Variants in CCDC136 observed in about 807,000 individuals in gnomAD.
The protein encoded by CCDC136 is coiled-coil domain containing 136.
Under a neutral mutation model 141.2 loss-of-function variants are expected in CCDC136, and 100 were observed. The observed-to-expected ratio is 0.71, with a 90% CI of 0.60 to 0.84. The LOEUF is 0.84. Among genes scored for constraint, CCDC136 ranks in the 40% least tolerant of loss-of-function variants. The pLI is 0.00. For synonymous variants in CCDC136, 474 were observed against 531.9 expected (o/e 0.89, Z 1.50); for missense variants, 1,206 against 1,379.4 (o/e 0.87, Z 1.99).
At chr7:128,809,035 G>A (rs1805294613) in intron 10 of CCDC136, 1 of 923,550 alleles carries the variant, frequency 1.1e-6, no homozygotes, top group Non-Finnish European at 1.3e-6. Context: ...TTATTTGTAA[G>A]GAGTGTAGTT....
At chr7:128,809,741 T>C in intron 11 of CCDC136, 97 bp downstream of exon 11, 1 of 920,046 alleles carries the variant, frequency 1.1e-6, no homozygotes, top group Admixed American at 3.1e-5. Flanking sequence ...GATTGAACTT[T>C]TTCTCTTACC....
At chr7:128,802,301 T>A (rs1338213450) in intron 4 of CCDC136, among the ~76,000 whole-genome samples, 1 of 152,100 alleles carries the variant, frequency 6.6e-6, no homozygotes, top group Non-Finnish European at 1.5e-5. Context: ...AATCTGAGTA[T>A]AATGGAGGTC....
chr7:128,805,306 G>T lies in CCDC136; in HGVS notation c.783-53G>T. The T allele has an allele frequency of 1.3e-6, 2 of 1,546,266 alleles. No individual in the cohort carries two copies. Among genetic ancestry groups the T allele is most frequent in the Non-Finnish European group, 8.9e-7 (1 of 1,124,746 alleles). ...TATCAGGACAAAGCCTGCATGGCTG[G>T]TGATGCCAGGCAGAACTCCCTTCAA... On this transcript the variant is annotated intron_variant, in intron 5 of 17. Transcript: ENST00000297788. This position sits in a 1 kb window ranked among gnomAD's most constrained non-coding sequence, Gnocchi z 4.6.
rs747716963 is a variant in CCDC136 at position 128,805,718 on chromosome 7, G to C, written c.949-43G>C. The C allele has an allele frequency of 1.9e-6, 3 of 1,605,562 alleles. No individual in the cohort carries two copies. Among genetic ancestry groups the C allele is most frequent in the Non-Finnish European group, 2.6e-6 (3 of 1,175,506 alleles). On this transcript the variant is annotated intron_variant, in intron 6 of 17. Coordinates refer to ENST00000297788, the MANE Select transcript of CCDC136 (RefSeq NM_022742.5). This position sits in a 1 kb window ranked among gnomAD's most constrained non-coding sequence, Gnocchi z 4.6. ...CAAGCTTGTTCTTGGAGCATATGTG[G>C]TATCTGTAGTAAACAAGCCTCCCTG...
chr7:128,812,863 A>G lies in CCDC136; in HGVS notation c.2697A>G (p.Glu899=). 6.2e-7 allele frequency: 1 copy of G among 1,613,182 alleles called. No individual in the cohort carries two copies. Among genetic ancestry groups the G allele is most frequent in the Non-Finnish European group, 8.5e-7 (1 of 1,179,666 alleles). Reference sequence around the variant, plus strand: ...TGAAGGAAGAGCTGGATGCCTGTGAAAGGGAGTTCAAGGAGTGCATGGAAT... The same window carrying G: ...TGAAGGAAGAGCTGGATGCCTGTGAGAGGGAGTTCAAGGAGTGCATGGAAT... The part of the protein sequence containing the change: ...KDLKEELDAC[E]REFKECMECL... Residue 899 remains glutamate (E), a synonymous_variant, in exon 14 of 18, where the codon GAA becomes GAG. Coordinates refer to ENST00000297788, the MANE Select transcript of CCDC136 (RefSeq NM_022742.5).
At position 128,817,738 on chromosome 7, in the gene CCDC136, C is replaced by T. The variant is rs770655029; in HGVS notation, c.3364-20C>T. ...TCCTGGTCTCTCCTCGTGCTTCTTT[C>T]TCATTTTGGTGTGTTGCAGTCATCC... On this transcript the variant is annotated intron_variant, in intron 16 of 17. Coordinates refer to ENST00000297788, the MANE Select transcript of CCDC136 (RefSeq NM_022742.5). The surrounding 1 kb of genome is among the most constrained non-coding windows in gnomAD (Gnocchi z 4.6). 4 of 1,551,442 alleles carry T rather than the reference C, an allele frequency of 2.6e-6. No homozygotes were observed. In the South Asian group the frequency reaches 4.5e-5, roughly 17 times the overall value.
Position 128,817,362 on chromosome 7 carries a change from G to A in CCDC136, c.3364-396G>A, listed in dbSNP as rs553153846. ...AAGAAACTTAATGGAAAGCAGGCTA[G>A]AACAAAGGGACAGGTGACCTGGTAG... is the stretch of plus-strand genomic sequence containing the variant. On this transcript the variant is annotated intron_variant, in intron 16 of 17. Transcript: ENST00000297788. The surrounding 1 kb of genome is among the most constrained non-coding windows in gnomAD (Gnocchi z 4.6). 7.2e-5 allele frequency among the ~76,000 whole-genome samples: 11 copies of A among 152,266 alleles called. No homozygotes were observed. The East Asian group carries it at 2.1e-3, about 29-fold the overall frequency.
intron 4 of CCDC136, among the ~76,000 whole-genome samples, chr7:128,803,783 G>A (rs1047830727): frequency 5.3e-5 from 8 of 151,448 alleles, no homozygotes; most frequent in Non-Finnish European, 7.4e-5. Context: ...GGATGGGCCT[G>A]TCAGCAGATA....
chr7:128,821,978 C>T lies in CCDC136; in HGVS notation c.*185C>T. 7.8e-7 allele frequency: 1 copy of T among 1,284,578 alleles called. No homozygotes were observed. Among genetic ancestry groups the T allele is most frequent in the Non-Finnish European group, 1.0e-6 (1 of 986,082 alleles). 79.6% of individuals were successfully genotyped at this position (1,284,578 alleles called of 1,614,324 possible). On this transcript the variant is annotated 3_prime_UTR_variant, in exon 18 of 18. Transcript: ENST00000297788. This position sits in a 1 kb window ranked among gnomAD's most constrained non-coding sequence, Gnocchi z 5.1. Reference sequence around the variant, plus strand: ...CACCCTCAGCTTTGGGCAGGACACACTGTGCCAGAACCCTCCCCATATGTT... The same window carrying T: ...CACCCTCAGCTTTGGGCAGGACACATTGTGCCAGAACCCTCCCCATATGTT...
rs1370664111 is a variant in CCDC136, at chr7:128,796,741, TC to T, written c.346+1974del. ...ATTCAGAATATATATATATATATAT[TC>T]TTTTTTTTTTTTTTTTTGAGACGGA... On this transcript the variant is annotated intron_variant, in intron 3 of 17. Coordinates refer to ENST00000297788, the MANE Select transcript of CCDC136 (RefSeq NM_022742.5). Among the ~76,000 whole-genome samples, 836 of 86,928 alleles carry T rather than the reference TC, an allele frequency of 9.6e-3. 75 individuals are homozygous for T. Among genetic ancestry groups the T allele is most frequent in the East Asian group, 0.061 (92 of 1,508 alleles). The allele number at this position is 86,928 out of a possible 152,430, so 57.0% of individuals were successfully genotyped here.
chr7:128,800,343 T>C (rs1803819338), intron 3 of CCDC136, among the ~76,000 whole-genome samples: 1 of 152,196 alleles, frequency 6.6e-6, no homozygotes, highest in Non-Finnish European at 1.5e-5. Flanking sequence ...CAGGCTGGAG[T>C]GCAGTGGTGC....
Position 128,792,280 on chromosome 7 carries a change from G to A in CCDC136, c.-132G>A. On this transcript the variant is annotated 5_prime_UTR_variant, in exon 1 of 18. Coordinates refer to ENST00000297788, the MANE Select transcript of CCDC136 (RefSeq NM_022742.5). ...TCCTCTGCACCCCAGCCCGCAGCCA[G>A]CCCCCCACCCCCCAGCCCCTCCTTT... 6 of 1,334,766 alleles carry A rather than the reference G, an allele frequency of 4.5e-6. No individual in the cohort carries two copies. Among genetic ancestry groups the A allele is most frequent in the South Asian group, 2.5e-5 (2 of 80,900 alleles). 82.7% of individuals were successfully genotyped at this position (1,334,766 alleles called of 1,614,324 possible).
chr7:128,805,917 G>T lies in CCDC136; in HGVS notation c.1089+16G>T. 1.2e-6 allele frequency: 2 copies of T among 1,613,472 alleles called. No homozygotes were observed. Among genetic ancestry groups the T allele is most frequent in the Non-Finnish European group, 1.7e-6 (2 of 1,179,822 alleles). ...TGTCACCCAGGTAAACACTGCCCGG[G>T]GAGGCATCTGGGGTGGGGGCAGAAG... On this transcript the variant is annotated intron_variant, in intron 7 of 17. Transcript: ENST00000297788. The surrounding 1 kb of genome is among the most constrained non-coding windows in gnomAD (Gnocchi z 4.6).
Position 128,822,114 on chromosome 7 carries a change from A to G in CCDC136, c.*321A>G. The G allele has an allele frequency of 1.7e-6, 2 of 1,176,050 alleles. No homozygotes were observed. The highest frequency in any genetic ancestry group is 2.1e-6 in the Non-Finnish European group (2 of 932,908). The allele number at this position is 1,176,050 out of a possible 1,614,324, so 72.9% of individuals were successfully genotyped here. On this transcript the variant is annotated 3_prime_UTR_variant, in exon 18 of 18. Coordinates refer to ENST00000297788, the MANE Select transcript of CCDC136 (RefSeq NM_022742.5). ...AAGAACCTGAGTTCCTTGTAATTAA[A>G]TATCAACTGAATTACATGAGACTGT...
chr7:128,798,989 G>A (rs1229276624), intron 3 of CCDC136, among the ~76,000 whole-genome samples: 1 of 151,754 alleles, frequency 6.6e-6, no homozygotes, highest in Non-Finnish European at 1.5e-5. Context: ...TCTATGAAGC[G>A]TGTCCAAATT....
At chr7:128,806,883 G>A (rs1213250606) in intron 9 of CCDC136, 25 bp downstream of exon 9, 1 of 1,576,158 alleles carries the variant, frequency 6.3e-7, no homozygotes, top group South Asian at 1.2e-5. Context: ...TGGTGAGGGA[G>A]GATGTAGCCA....
chr7:128,810,886 A>G (rs1317771834), intron 12 of CCDC136, among the ~76,000 whole-genome samples: 1 of 152,204 alleles, frequency 6.6e-6, no homozygotes, highest in East Asian at 1.9e-4. Flanking sequence ...TACTGACCAC[A>G]CTATCTTCAT....
rs1272403706 is a variant in CCDC136, at chr7:128,804,668, G to A, written c.689G>A (p.Arg230Gln). ...TCTGCAGAAGAACTGCAGGAGCTGCGGGAACGCTACCATTTCCTGAATGAG... is the reference window on the plus strand; with the variant it reads ...TCTGCAGAAGAACTGCAGGAGCTGCAGGAACGCTACCATTTCCTGAATGAG... ...SGLQEELQEL[R>Q]ERYHFLNEEY... The change falls in exon 5 of 18, where the codon CGG becomes CAG. Residue 230 changes from arginine to glutamine, a missense_variant. Arg to Gln is a conservative substitution (Grantham distance 43). Coordinates refer to ENST00000297788, the MANE Select transcript of CCDC136 (RefSeq NM_022742.5). 8.2e-6 allele frequency: 13 copies of A among 1,578,282 alleles called. No individual in the cohort carries two copies. The highest frequency in any genetic ancestry group is 1.7e-4 in the Middle Eastern group (1 of 6,014).
At chr7:128,798,561 A>AT (rs1171615065) in intron 3 of CCDC136, among the ~76,000 whole-genome samples, 2 of 151,884 alleles carry the variant, frequency 1.3e-5, no homozygotes, top group African/African-American at 2.4e-5. Context: ...CGACAATACC[A>AT]TTTTTTTAGG....
Sources: allele counts gnomAD v4.1 joint callset (sites outside exome capture counted in the v4.1 genomes callset), GRCh38; gene constraint gnomAD v4.1.1; non-coding constraint Gnocchi (gnomAD v3.1); transcripts MANE v1.5; gene names NCBI Gene and HGNC (gene_info 2026-07-23, HGNC 2026-07-21).